TJP1: variants seen among roughly 807,000 people sequenced by gnomAD.
TJP1 encodes tight junction protein ZO-1.
Under a neutral mutation model 194.2 loss-of-function variants are expected in TJP1, and 43 were observed. The ratio of observed to expected loss-of-function variants is 0.22; its 90% CI spans 0.17 to 0.29. The LOEUF (loss-of-function observed/expected upper bound fraction) is 0.29. Among genes scored for constraint, TJP1 ranks in the 10% least tolerant of loss-of-function variants. The pLI, the probability that TJP1 is intolerant of heterozygous loss-of-function variation, is 1.00. For missense variants in TJP1, 1,971 were observed against 2,185.7 expected (o/e 0.90, Z 1.96); for synonymous variants, 801 against 779.0 (o/e 1.03, Z -0.47).
chr15:29,833,752 C>T (rs919561946), intron 2 of TJP1, among the ~76,000 whole-genome samples: 1 of 148,898 alleles, frequency 6.7e-6, no homozygotes, highest in Admixed American at 6.8e-5. Context: ...TATAGCTATT[C>T]TCAGTATATT....
At chr15:29,772,263 A>C in intron 3 of TJP1, 97 bp from the exon 4 acceptor site, 1 of 655,360 alleles carries the variant, frequency 1.5e-6, no homozygotes, top group East Asian at 3.2e-5. Flanking sequence ...AATGTAATCT[A>C]ATTATGAGCC....
intron 1 of TJP1, among the ~76,000 whole-genome samples, chr15:29,818,669 T>C (rs1321170337): frequency 2.7e-5 from 1 of 37,010 alleles, no homozygotes; most frequent in Non-Finnish European, 5.5e-5. Flanking sequence ...CAGGCCCGGC[T>C]ATTTTTTTTT....
intron 8 of TJP1, among the ~76,000 whole-genome samples, chr15:29,752,785 T>C (rs1295159140): frequency 6.6e-6 from 1 of 152,206 alleles, no homozygotes; most frequent in Admixed American, 6.5e-5. Context: ...TTAAAAAAAC[T>C]TTCATGTTCT....
chr15:29,836,397 C>T (rs1418434816), intron 2 of TJP1, among the ~76,000 whole-genome samples: 3 of 151,950 alleles, frequency 2.0e-5, no homozygotes, highest in Non-Finnish European at 2.9e-5. Context: ...CTCAGCCTCC[C>T]GAGTAGCTGG....
intron 2 of TJP1, among the ~76,000 whole-genome samples, chr15:29,924,006 A>G (rs1276992592): frequency 6.6e-6 from 1 of 152,248 alleles, no homozygotes; most frequent in East Asian, 1.9e-4. Flanking sequence ...CTAAAAAGCT[A>G]TCTGACATAT....
intron 1 of TJP1, among the ~76,000 whole-genome samples, chr15:29,964,180 C>G (rs1237238963): frequency 6.6e-6 from 1 of 152,070 alleles, no homozygotes; most frequent in Non-Finnish European, 1.5e-5. Context: ...CCTGGATCAT[C>G]CAGGTGGGCC....
chr15:29,736,290 A>G (rs1474487799), intron 11 of TJP1, among the ~76,000 whole-genome samples: 1 of 152,218 alleles, frequency 6.6e-6, no homozygotes, highest in East Asian at 1.9e-4. Flanking sequence ...TCAACAAGTT[A>G]AACAGCAAAA....
At chr15:29,792,357 G>A (rs948523137) in intron 2 of TJP1, among the ~76,000 whole-genome samples, 1 of 152,198 alleles carries the variant, frequency 6.6e-6, no homozygotes, top group African/African-American at 2.4e-5. Flanking sequence ...ATTGCAGACT[G>A]TCCTTTCCCC....
intron 22 of TJP1, 112 bp downstream of exon 22, chr15:29,717,909 C>A: frequency 1.2e-6 from 1 of 828,174 alleles, no homozygotes; most frequent in South Asian, 2.1e-5. Flanking sequence ...TAAGGACAAA[C>A]TCCTCCTATT....
chr15:29,825,021 A>G (rs2050635092), upstream of TJP1, among the ~76,000 whole-genome samples: 2 of 152,188 alleles, frequency 1.3e-5, no homozygotes, highest in African/African-American at 2.4e-5. Flanking sequence ...TATTTTTAAT[A>G]TCTAAATTAA....
At position 29,704,310 on chromosome 15, in the gene TJP1, A is replaced by G. The variant is rs1400305816; in HGVS notation, c.5069-5T>C. 2 of 1,587,158 alleles carry G rather than the reference A, an allele frequency of 1.3e-6. No homozygotes were observed. Among genetic ancestry groups the G allele is most frequent in the Non-Finnish European group, 8.6e-7 (1 of 1,166,144 alleles). On this transcript the variant is annotated splice_region_variant and splice_polypyrimidine_tract_variant and intron_variant, in intron 26 of 27. Transcript: ENST00000614355. ...AAGGACTCAGCAGTGTTTCACCTGGAGTTGGAAAAGGGGATAGGCAGAGAG... is the reference window on the plus strand; with the variant it reads ...AAGGACTCAGCAGTGTTTCACCTGGGGTTGGAAAAGGGGATAGGCAGAGAG...
At chr15:29,757,362 T>TA (rs1263265547) in intron 8 of TJP1, among the ~76,000 whole-genome samples, 2 of 152,222 alleles carry the variant, frequency 1.3e-5, no homozygotes, top group Non-Finnish European at 2.9e-5. Flanking sequence ...GTCATTTTTT[T>TA]ATCACTTCTT....
chr15:29,964,936 GC>G (rs1016905999), intron 1 of TJP1, among the ~76,000 whole-genome samples: 4 of 152,182 alleles, frequency 2.6e-5, no homozygotes, highest in African/African-American at 9.7e-5. Context: ...AAGTTGGTCT[GC>G]AAATATAATT....
chr15:29,812,962 CAGTA>C (rs2049632511), intron 1 of TJP1, among the ~76,000 whole-genome samples: 1 of 151,888 alleles, frequency 6.6e-6, no homozygotes, highest in South Asian at 2.1e-4. Context: ...ATTAACACTC[CAGTA>C]AGTATTAATA....
At chr15:29,747,178 C>T (rs778532980) in intron 8 of TJP1, among the ~76,000 whole-genome samples, 8 of 151,938 alleles carry the variant, frequency 5.3e-5, no homozygotes, top group Non-Finnish European at 1.2e-4. Context: ...CCAGATACTT[C>T]GGAGGTTGAG....
At chr15:29,756,775 T>C (rs1162578506) in intron 8 of TJP1, among the ~76,000 whole-genome samples, 1 of 152,210 alleles carries the variant, frequency 6.6e-6, no homozygotes, top group African/African-American at 2.4e-5. Flanking sequence ...AGGTCAAAGA[T>C]TTGGGTCAAA....
intron 8 of TJP1, 104 bp from the exon 9 acceptor site, chr15:29,742,885 C>T: frequency 9.5e-7 from 1 of 1,049,228 alleles, no homozygotes; most frequent in Non-Finnish European, 1.3e-6. Flanking sequence ...AAAACAATGA[C>T]AACCTGCTCT....
intron 8 of TJP1, chr15:29,759,686 G>A (rs2045874373): frequency 6.6e-6 from 1 of 152,250 alleles, no homozygotes; most frequent in South Asian, 2.1e-4. Flanking sequence ...AGTTCAACTT[G>A]CTTAGGTTCC....
At chr15:29,850,417 G>A (rs774819559) in intron 2 of TJP1, among the ~76,000 whole-genome samples, 16 of 152,126 alleles carry the variant, frequency 1.1e-4, no homozygotes, top group East Asian at 9.8e-4. Context: ...TGCAAGCTCC[G>A]CCTCCCAGGT....
Sources: allele counts gnomAD v4.1 joint callset (sites outside exome capture counted in the v4.1 genomes callset), GRCh38; gene constraint gnomAD v4.1.1; transcripts MANE v1.5; gene names NCBI Gene and HGNC (gene_info 2026-07-23, HGNC 2026-07-21).